Variants in NBPF26 observed in about 807,000 individuals in gnomAD.
NBPF26 encodes NBPF family member NBPF26.
A neutral mutation model predicts 119.6 loss-of-function variants in NBPF26; 79 were observed. The observed-to-expected ratio is 0.66, with a 90% CI of 0.55 to 0.80. The LOEUF is 0.80. Among genes scored for constraint, NBPF26 ranks in the 30% least tolerant of loss-of-function variants. NBPF26 has a pLI of 0.00. For missense variants in NBPF26, 800 were observed against 1,198.2 expected (o/e 0.67, Z 4.91); for synonymous variants, 299 against 457.7 (o/e 0.65, Z 4.43).
intron 10 of NBPF26, among the ~76,000 whole-genome samples, chr1:120,813,335 C>T (rs1651923079): frequency 7.8e-6 from 1 of 127,848 alleles, no homozygotes. Context: ...AACATTTGGG[C>T]ATATTTCCTT....
chr1:120,819,448 G>A (rs1652084010), intron 15 of NBPF26, among the ~76,000 whole-genome samples: 1 of 105,262 alleles, frequency 9.5e-6, no homozygotes, highest in African/African-American at 5.8e-5. Context: ...GCCATTCTGT[G>A]TTTTTTAACT....
rs1650833437 is a variant in NBPF26, at chr1:120,727,904, T to G, written c.73+3654T>G. On this transcript the variant is annotated intron_variant, in intron 1 of 29. Transcript: ENST00000620612. ...TAGTATTTTGGACAGATCACTGAACTAGGAGCCAGAAGACCAGAATTCTTC... is the reference window on the plus strand; with the variant it reads ...TAGTATTTTGGACAGATCACTGAACGAGGAGCCAGAAGACCAGAATTCTTC... Among the ~76,000 whole-genome samples the G allele has an allele frequency of 3.4e-5, 4 of 118,404 alleles. No homozygotes were observed. In the South Asian group the frequency reaches 9.8e-4, roughly 29 times the overall value. 77.7% of individuals were successfully genotyped at this position (118,404 alleles called of 152,430 possible). A position where few individuals can be genotyped will look rare whatever the true frequency, so the allele number is the denominator to read the frequency against.
chr1:120,839,665 G>A, exon 29 of NBPF26: 2 of 78,458 alleles, frequency 2.5e-5, no homozygotes. Flanking sequence ...AAGAAAAGAA[G>A]GGGAAGAAGA....
Position 120,806,278 on chromosome 1 carries a change from A to G in NBPF26, c.961+513A>G, listed in dbSNP as rs1553269929. ...GTCTGCTCCTAATAGAACCTGTGCTATCTATAAGTGACAGCATCAAGAGCA... is the reference window on the plus strand; with the variant it reads ...GTCTGCTCCTAATAGAACCTGTGCTGTCTATAAGTGACAGCATCAAGAGCA... On this transcript the variant is annotated intron_variant, in intron 5 of 29. Transcript: ENST00000620612. 3.3e-5 allele frequency among the ~76,000 whole-genome samples: 4 copies of G among 120,282 alleles called. 1 individual carries two copies. Among genetic ancestry groups the G allele is most frequent in the East Asian group, 2.0e-4 (1 of 4,986 alleles). 78.9% of individuals were successfully genotyped at this position (120,282 alleles called of 152,430 possible).
Position 120,789,529 on chromosome 1 carries a change from A to G in NBPF26, c.416-3632A>G, listed in dbSNP as rs1405260563. Among the ~76,000 whole-genome samples, 170 of 109,622 alleles carry G rather than the reference A, an allele frequency of 1.6e-3. 32 individuals are homozygous for G. The highest frequency in any genetic ancestry group is 0.015 in the South Asian group (54 of 3,656). The allele number at this position is 109,622 out of a possible 152,430, so 71.9% of individuals were successfully genotyped here. A position where few individuals can be genotyped will look rare whatever the true frequency, so the allele number is the denominator to read the frequency against. ...ACCCCTGAGGAACCCATCAGATCTC[A>G]TGAGACTTATTCACTATCATGAGAA... On this transcript the variant is annotated intron_variant, in intron 3 of 29. Transcript: ENST00000620612.
At chr1:120,726,976 G>A (rs1267451164) in intron 1 of NBPF26, among the ~76,000 whole-genome samples, 3 of 115,504 alleles carry the variant, frequency 2.6e-5, no homozygotes, top group Admixed American at 8.3e-5. Flanking sequence ...TTTAAATTCA[G>A]TGGGATATGC....
At position 120,805,538 on chromosome 1, in the gene NBPF26, T is replaced by G; in HGVS notation, c.752-18T>G. On this transcript the variant is annotated intron_variant, in intron 4 of 29. Transcript: ENST00000620612. ...ACCAGTTTTTAACCCATCATATGTT[T>G]GGGTTTCTTCTCCCCAGTCCCTGAC... The G allele has an allele frequency of 8.1e-7, 1 of 1,238,552 alleles. No homozygotes were observed. 76.7% of individuals were successfully genotyped at this position (1,238,552 alleles called of 1,614,324 possible).
At chr1:120,811,297 A>G (rs1378298540) in intron 9 of NBPF26, among the ~76,000 whole-genome samples, 82,510 of 104,006 alleles carry the variant, frequency 0.79, 37,129 homozygotes, top group African/African-American at 0.89. Flanking sequence ...CTTAATCCCA[A>G]CACTTTGGGA....
intron 9 of NBPF26, 51 bp downstream of exon 9, chr1:120,810,609 T>C (rs1651838089): frequency 1.5e-6 from 2 of 1,353,456 alleles, no homozygotes; most frequent in Non-Finnish European, 2.0e-6. Flanking sequence ...CTATGGAAGG[T>C]CAATTCTGAG....
rs1265377890 is a variant in NBPF26, at chr1:120,745,190, T to C, written c.74-18438T>C. 1.8e-5 allele frequency among the ~76,000 whole-genome samples: 2 copies of C among 110,204 alleles called. 1 individual carries two copies. Among genetic ancestry groups the C allele is most frequent in the Non-Finnish European group, 3.4e-5 (2 of 58,206 alleles). 72.3% of individuals were successfully genotyped at this position (110,204 alleles called of 152,430 possible). On this transcript the variant is annotated intron_variant, in intron 1 of 29. Transcript: ENST00000620612. ...CCTGTCTAATTGCAAAGCCACATTCTTTACTGCACGCTTTAGTCCATGGTT... is the reference window on the plus strand; with the variant it reads ...CCTGTCTAATTGCAAAGCCACATTCCTTACTGCACGCTTTAGTCCATGGTT...
intron 2 of NBPF26, among the ~76,000 whole-genome samples, chr1:120,778,392 G>C (rs1651323063): frequency 9.2e-6 from 1 of 108,786 alleles, no homozygotes; most frequent in Non-Finnish European, 1.7e-5. Flanking sequence ...AGCCCAGAGG[G>C]AGTAAAGAGG....
intron 4 of NBPF26, among the ~76,000 whole-genome samples, chr1:120,801,316 G>T (rs1174402904): frequency 8.3e-6 from 1 of 120,286 alleles, no homozygotes; most frequent in Non-Finnish European, 1.7e-5. Flanking sequence ...ACTGCCCATA[G>T]GTACAGGCAT....
chr1:120,807,368 AT>A lies in NBPF26; in HGVS notation c.962-238del, dbSNP rs1651723346. 2.4e-5 allele frequency among the ~76,000 whole-genome samples: 3 copies of A among 125,026 alleles called. 1 individual carries two copies. The highest frequency in any genetic ancestry group is 4.9e-5 in the Non-Finnish European group (3 of 61,560). 82.0% of individuals were successfully genotyped at this position (125,026 alleles called of 152,430 possible). On this transcript the variant is annotated intron_variant, in intron 5 of 29. Coordinates refer to ENST00000620612, the Ensembl canonical transcript of NBPF26. ...TCTGACTCCACTTCGTTGTGGTTGA[AT>A]CATCTTGTCAACTTCCTTGATGCGC...
intron 1 of NBPF26, among the ~76,000 whole-genome samples, chr1:120,756,431 G>T (rs1651080764): frequency 8.5e-6 from 1 of 117,810 alleles, no homozygotes; most frequent in Non-Finnish European, 1.6e-5. Context: ...GCCTCAGACA[G>T]TCAAGACGTT....
At chr1:120,812,277 T>C (rs1405937772) in intron 10 of NBPF26, among the ~76,000 whole-genome samples, 182 bp downstream of exon 10, 1 of 98,854 alleles carries the variant, frequency 1.0e-5, no homozygotes, top group African/African-American at 6.4e-5. Flanking sequence ...ATTTAGCAAC[T>C]TTCCATGTTT....
Position 120,806,377 on chromosome 1 carries a change from G to A in NBPF26, c.961+612G>A, listed in dbSNP as rs1382904458. On this transcript the variant is annotated intron_variant, in intron 5 of 29. Transcript: ENST00000620612. ...TGGGAGGCTGAGGCGGGCAGAGCAC[G>A]AGGTCAGCAGTTTGAGACTAGCCTG... 4.6e-5 allele frequency among the ~76,000 whole-genome samples: 5 copies of A among 107,896 alleles called. 1 individual carries two copies. Among genetic ancestry groups the A allele is most frequent in the African/African-American group, 1.5e-4 (3 of 20,632 alleles). 70.8% of individuals were successfully genotyped at this position (107,896 alleles called of 152,430 possible).
At position 120,768,536 on chromosome 1, in the gene NBPF26, T is replaced by G. The variant is rs1218817406; in HGVS notation, c.155+4827T>G. Among the ~76,000 whole-genome samples, 2 of 109,492 alleles carry G rather than the reference T, an allele frequency of 1.8e-5. 1 individual carries two copies. The highest frequency in any genetic ancestry group is 3.4e-5 in the Non-Finnish European group (2 of 59,018). 71.8% of individuals were successfully genotyped at this position (109,492 alleles called of 152,430 possible). On this transcript the variant is annotated intron_variant, in intron 2 of 29. Transcript: ENST00000620612. ...TCCAGATACCTCTGACTCCTCAGTA[T>G]CACAGGACTTCCGTTTTCTGCTTGC...
rs1241962120 is a variant in NBPF26 at position 120,763,382 on chromosome 1, C to T, written c.74-246C>T. 6.8e-5 allele frequency among the ~76,000 whole-genome samples: 7 copies of T among 102,946 alleles called. 2 individuals are homozygous for T. Among genetic ancestry groups the T allele is most frequent in the Non-Finnish European group, 1.2e-4 (7 of 56,164 alleles). The allele number at this position is 102,946 out of a possible 152,430, so 67.5% of individuals were successfully genotyped here. ...TAATTGGGAGATGGAGATGTAACAG[C>T]TGGAGATACTAAAACACAGAGAAAT... On this transcript the variant is annotated intron_variant, in intron 1 of 29. Coordinates refer to ENST00000620612, the Ensembl canonical transcript of NBPF26.
chr1:120,724,119 G>A lies in NBPF26; in HGVS notation c.-59G>A. The A allele has an allele frequency of 7.4e-7, 1 of 1,349,682 alleles. No individual in the cohort carries two copies. The highest frequency in any genetic ancestry group is 9.6e-7 in the Non-Finnish European group (1 of 1,041,688). 83.6% of individuals were successfully genotyped at this position (1,349,682 alleles called of 1,614,324 possible). ...TCTATCGGGACCCCCTCCCCATGTGGATCTGCCCAGGCGGCGGCGGCGGCG... is the reference window on the plus strand; with the variant it reads ...TCTATCGGGACCCCCTCCCCATGTGAATCTGCCCAGGCGGCGGCGGCGGCG... On this transcript the variant is annotated 5_prime_UTR_variant, in exon 1 of 30. It introduces an in-frame stop codon into an upstream open reading frame of the 5' UTR. Transcript: ENST00000620612.
Sources: allele counts gnomAD v4.1 joint callset (sites outside exome capture counted in the v4.1 genomes callset), GRCh38; gene constraint gnomAD v4.1.1; transcripts MANE v1.5; gene names NCBI Gene and HGNC (gene_info 2026-07-23, HGNC 2026-07-21).